INSR: variants seen among roughly 807,000 people sequenced by gnomAD.
INSR encodes insulin receptor.
In INSR, 67 loss-of-function variants were observed where a neutral mutation model predicts 142.6. The ratio of observed to expected loss-of-function variants is 0.47; its 90% confidence interval spans 0.39 to 0.58. The LOEUF (loss-of-function observed/expected upper bound fraction) is 0.58. INSR is among the 20% of genes least tolerant of loss of function. INSR has a pLI of 0.00. For missense variants in INSR, 1,248 were observed against 1,833.2 expected, an observed-to-expected ratio of 0.68 and a Z score of 5.83; for synonymous variants, 756 against 743.1, an observed-to-expected ratio of 1.02 and a Z score of -0.28.
chr19:7,227,893 A>T (rs10408312), intron 2 of INSR, among the ~76,000 whole-genome samples: 9,609 of 152,156 alleles, frequency 0.063, 767 homozygotes, highest in East Asian at 0.22. Flanking sequence ...GTTTCTTAAC[A>T]TACCAGAAAC....
rs959887349 is a variant in INSR at position 7,216,591 on chromosome 19, C to T, written c.653-31954G>A. ...GGGTCTGGGAAGGAACAAATTGCCA[C>T]GGTGTAATGGAGCCACTGCAGGTGT... is the stretch of plus-strand genomic sequence containing the variant. On this transcript the variant is annotated intron_variant, in intron 2 of 21. Coordinates refer to ENST00000302850, the MANE Select transcript of INSR (RefSeq NM_000208.4). This position sits in a 1 kb window ranked among gnomAD's most constrained non-coding sequence, Gnocchi z 4.2. Among the ~76,000 whole-genome samples, 10 of 152,208 alleles carry T rather than the reference C, an allele frequency of 6.6e-5. No individual in the cohort carries two copies. The East Asian group carries it at 1.4e-3, about 21-fold the overall frequency.
At position 7,210,237 on chromosome 19, in the gene INSR, C is replaced by T. The variant is rs570078017; in HGVS notation, c.653-25600G>A. Among the ~76,000 whole-genome samples the T allele has an allele frequency of 6.0e-4, 90 of 149,926 alleles. No homozygotes were observed. The South Asian group carries it at 0.011, about 18-fold the overall frequency. ...GTGTGTGACTGTAATCCCAGTTGCT[C>T]GGGAAGCTGAGGCAGGAGAATCGCT... On this transcript the variant is annotated intron_variant, in intron 2 of 21. Transcript: ENST00000302850.
intron 2 of INSR, among the ~76,000 whole-genome samples, chr19:7,266,323 G>C (rs1210165190): frequency 6.6e-6 from 1 of 151,586 alleles, no homozygotes; most frequent in Non-Finnish European, 1.5e-5. Flanking sequence ...AGAAACAACT[G>C]CTAGATAAAG....
intron 2 of INSR, among the ~76,000 whole-genome samples, chr19:7,191,073 GATCACCT>G (rs1974571296): frequency 6.6e-6 from 1 of 152,068 alleles, no homozygotes; most frequent in Non-Finnish European, 1.5e-5. Context: ...GTGGCAGGTG[GATCACCT>G]GAGGTCAGGA....
At position 7,153,122 on chromosome 19, in the gene INSR, ACACACAC is replaced by A. The variant is rs1363147320; in HGVS notation, c.2030-202_2030-196del. On this transcript the variant is annotated intron_variant, in intron 9 of 21. Coordinates refer to ENST00000302850, the MANE Select transcript of INSR (RefSeq NM_000208.4). The stretch of plus-strand genomic sequence containing the variant: ...ACACACCACAAACACACAACCACAC[ACACACAC>A]CACACACCACACACACCACACAACA... Among the ~76,000 whole-genome samples the A allele has an allele frequency of 1.0e-3, 28 of 27,586 alleles. 1 individual carries two copies. The highest frequency in any genetic ancestry group is 3.5e-3 in the East Asian group (4 of 1,134). The allele number at this position is 27,586 out of a possible 152,430, so 18.1% of individuals were successfully genotyped here.
At chr19:7,260,980 G>A (rs879368873) in intron 2 of INSR, among the ~76,000 whole-genome samples, 10 of 151,212 alleles carry the variant, frequency 6.6e-5, no homozygotes, top group East Asian at 1.9e-4. Context: ...CTCCGCCCCC[G>A]GGGCCCATGC....
intron 2 of INSR, among the ~76,000 whole-genome samples, chr19:7,224,746 C>G (rs1173193230): frequency 1.3e-5 from 2 of 152,176 alleles, no homozygotes; most frequent in African/African-American, 4.8e-5. Context: ...AAGCTGGTGT[C>G]TGAAAGTGGA....
chr19:7,218,550 T>C (rs1372109609), intron 2 of INSR, among the ~76,000 whole-genome samples: 1 of 152,142 alleles, frequency 6.6e-6, no homozygotes, highest in Non-Finnish European at 1.5e-5. Context: ...TTTGTTTCTT[T>C]GTTTTTATGA....
chr19:7,251,268 T>G (rs1450197945), intron 2 of INSR, among the ~76,000 whole-genome samples: 1 of 152,034 alleles, frequency 6.6e-6, no homozygotes, highest in Admixed American at 6.6e-5. Flanking sequence ...TTTATTGTGT[T>G]AATTTTTGAG....
At chr19:7,291,955 G>C (rs974297673) in intron 1 of INSR, among the ~76,000 whole-genome samples, 1 of 151,828 alleles carries the variant, frequency 6.6e-6, no homozygotes, top group African/African-American at 2.4e-5. Flanking sequence ...ACCACGCCCG[G>C]CTAATTTTTT....
intron 2 of INSR, among the ~76,000 whole-genome samples, chr19:7,244,631 T>A (rs774751577): frequency 3.9e-5 from 6 of 152,218 alleles, no homozygotes; most frequent in Non-Finnish European, 8.8e-5. Context: ...TTATGGATTT[T>A]AACCCATTTT....
At chr19:7,248,690 A>C (rs945736742) in intron 2 of INSR, among the ~76,000 whole-genome samples, 28 of 151,714 alleles carry the variant, frequency 1.8e-4, no homozygotes, top group African/African-American at 6.8e-4. Context: ...TTCGACACTT[A>C]ACTGAGTTAG....
At chr19:7,151,162 C>CTTTCTCTCTTTCCTT (rs1359040007) in intron 10 of INSR, among the ~76,000 whole-genome samples, 1 of 45,850 alleles carries the variant, frequency 2.2e-5, no homozygotes, top group African/African-American at 5.0e-5. Context: ...TTCTTTCTTT[C>CTTTCTCTCTTTCCTT]TCTTTCTTTC....
chr19:7,203,005 T>G (rs865986287), intron 2 of INSR, among the ~76,000 whole-genome samples: 6,476 of 147,850 alleles, frequency 0.044, 504 homozygotes, highest in African/African-American at 0.15. Context: ...TGTTTTTTTT[T>G]TTTTTTTTTC....
At position 7,192,578 on chromosome 19, in the gene INSR, G is replaced by A. The variant is rs979369978; in HGVS notation, c.653-7941C>T. Among the ~76,000 whole-genome samples the A allele has an allele frequency of 2.0e-5, 3 of 152,178 alleles. No homozygotes were observed. The highest frequency in any genetic ancestry group is 4.4e-5 in the Non-Finnish European group (3 of 68,026). On this transcript the variant is annotated intron_variant, in intron 2 of 21. Coordinates refer to ENST00000302850, the MANE Select transcript of INSR (RefSeq NM_000208.4). The surrounding 1 kb of genome is among the most constrained non-coding windows in gnomAD (Gnocchi z 4.2). ...TGGGGTAGGGACAGTCAGCAGCCCA[G>A]GCTATGTCTGCCAGACAAGATGGCA... is the stretch of plus-strand genomic sequence containing the variant.
rs547724889 is a variant in INSR, at chr19:7,181,493, T to A, written c.974+2823A>T. On this transcript the variant is annotated intron_variant, in intron 3 of 21. Coordinates refer to ENST00000302850, the MANE Select transcript of INSR (RefSeq NM_000208.4). ...CATCACAAATATCTGGTCCTTCTCA[T>A]CTCAGGAAGCAGCACTGTGCTATTA... Among the ~76,000 whole-genome samples the A allele has an allele frequency of 2.8e-4, 43 of 151,988 alleles. 1 individual carries two copies. The highest frequency in any genetic ancestry group is 9.2e-4 in the Admixed American group (14 of 15,256).
intron 1 of INSR, among the ~76,000 whole-genome samples, chr19:7,283,958 G>A (rs1276601771): frequency 6.6e-6 from 1 of 152,144 alleles, no homozygotes; most frequent in African/African-American, 2.4e-5. Flanking sequence ...CTATATTGTT[G>A]ATTCATTAAC....
At chr19:7,286,300 A>G (rs967122447) in intron 1 of INSR, among the ~76,000 whole-genome samples, 1 of 152,122 alleles carries the variant, frequency 6.6e-6, no homozygotes, top group African/African-American at 2.4e-5. Context: ...ATTACTAAAC[A>G]TCAAAAAGAT....
rs1973306296 is a variant in INSR at position 7,150,389 on chromosome 19, GC to G, written c.2267+107del. On this transcript the variant is annotated intron_variant, in intron 11 of 21. Transcript: ENST00000302850. This position sits in a 1 kb window ranked among gnomAD's most constrained non-coding sequence, Gnocchi z 4.2. The stretch of plus-strand genomic sequence containing the variant: ...CATCTGCTCTCCAGCACAGCTGCCC[GC>G]CGCATGCAAAAAGCCACAGAAACCC... 2 of 935,912 alleles carry G rather than the reference GC, an allele frequency of 2.1e-6. No individual in the cohort carries two copies. The highest frequency in any genetic ancestry group is 3.4e-6 in the Non-Finnish European group (2 of 583,606). The allele number at this position is 935,912 out of a possible 1,614,324, so 58.0% of individuals were successfully genotyped here. A position where few individuals can be genotyped will look rare whatever the true frequency, so the allele number is the denominator to read the frequency against.
Sources: allele counts gnomAD v4.1 joint callset (sites outside exome capture counted in the v4.1 genomes callset), GRCh38; gene constraint gnomAD v4.1.1; non-coding constraint Gnocchi (gnomAD v3.1); transcripts MANE v1.5; gene names NCBI Gene and HGNC (gene_info 2026-07-23, HGNC 2026-07-21).